The following MAN1C1 variants were observed in gnomAD, a reference collection of about 807,000 sequenced individuals.
MAN1C1 encodes the protein mannosidase alpha class 1C member 1, also known as mannosyl-oligosaccharide 1,2-alpha-mannosidase IC.
MAN1C1 carries 49 observed loss-of-function variants against 71.5 expected under a neutral mutation model. The observed-to-expected ratio is 0.69, with a 90% CI of 0.54 to 0.87. The LOEUF is 0.87. Ranked by LOEUF, MAN1C1 falls within the 40% of genes least tolerant of loss-of-function variation. The probability of loss-of-function intolerance (pLI) is 0.00; values close to 1 mark genes in which losing one functional copy is unlikely to be tolerated. For synonymous variants in MAN1C1, 352 were observed against 343.7 expected (o/e 1.02, Z -0.27); for missense variants, 743 against 835.0 (o/e 0.89, Z 1.36).
chr1:25,627,291 T>C (rs1016010756), intron 1 of MAN1C1, among the ~76,000 whole-genome samples: 12 of 151,630 alleles, frequency 7.9e-5, no homozygotes, highest in African/African-American at 1.2e-4. Context: ...CTTCTCTTCT[T>C]CTCTTCTCTT....
chr1:25,763,741 C>G, intron 6 of MAN1C1, 133 bp from the exon 7 acceptor site: 1 of 720,362 alleles, frequency 1.4e-6, no homozygotes, highest in Non-Finnish European at 2.4e-6. Flanking sequence ...GTCCGTTGGG[C>G]AGCTCTCCCT....
At chr1:25,751,074 C>T (rs1280453223) in intron 4 of MAN1C1, among the ~76,000 whole-genome samples, 1 of 151,130 alleles carries the variant, frequency 6.6e-6, no homozygotes, top group Non-Finnish European at 1.5e-5. Flanking sequence ...ACCCTTCCCT[C>T]CCCCGTTTCC....
chr1:25,673,941 C>T (rs908069470), intron 1 of MAN1C1, among the ~76,000 whole-genome samples: 2 of 152,216 alleles, frequency 1.3e-5, no homozygotes, highest in African/African-American at 4.8e-5. Flanking sequence ...TGAACCATTT[C>T]GCATTGGAAT....
chr1:25,687,044 G>A (rs1237418943), intron 2 of MAN1C1, among the ~76,000 whole-genome samples: 2 of 152,172 alleles, frequency 1.3e-5, no homozygotes, highest in East Asian at 1.9e-4. Flanking sequence ...GGGAGGATGA[G>A]GTGGGAGGAT....
At position 25,690,763 on chromosome 1, in the gene MAN1C1, G is replaced by A. The variant is rs759485074; in HGVS notation, c.637+4227G>A. Reference sequence around the variant, plus strand: ...GGGTCCCGCCTCCAGTCTGTGGTGAGGATTAGAGAGGAGACCTGCAAAGGC... The same window carrying A: ...GGGTCCCGCCTCCAGTCTGTGGTGAAGATTAGAGAGGAGACCTGCAAAGGC... On this transcript the variant is annotated intron_variant, in intron 2 of 11. Transcript: ENST00000374332. 1.8e-4 allele frequency among the ~76,000 whole-genome samples: 27 copies of A among 152,358 alleles called. No individual in the cohort carries two copies. In the South Asian group the frequency reaches 2.3e-3, roughly 13 times the overall value.
chr1:25,743,810 C>T (rs1392928554), intron 2 of MAN1C1, among the ~76,000 whole-genome samples: 3 of 152,192 alleles, frequency 2.0e-5, no homozygotes, highest in African/African-American at 7.2e-5. Flanking sequence ...TCAGACACTG[C>T]GGCTGCCTCT....
intron 2 of MAN1C1, among the ~76,000 whole-genome samples, chr1:25,706,871 C>T (rs2046531086): frequency 6.6e-6 from 1 of 152,146 alleles, no homozygotes. Context: ...GTTCCAGCTG[C>T]CTGTGCCATG....
At position 25,618,007 on chromosome 1, in the gene MAN1C1, C is replaced by T; in HGVS notation, c.210C>T (p.Ala70=). The stretch of plus-strand genomic sequence containing the variant: ...GTCTGGAAGTGGTGGCTGAAATCGC[C>T]GGCCATGCCCCGGCCCGCGAGCAGG... The part of the protein sequence containing the change: ...QPGLEVVAEI[A]GHAPAREQEP... Residue 70 remains alanine (A), a synonymous_variant, in exon 1 of 12, where the codon GCC becomes GCT. Transcript: ENST00000374332. The T allele has an allele frequency of 1.2e-6, 2 of 1,602,846 alleles. No individual in the cohort carries two copies. The highest frequency in any genetic ancestry group is 1.7e-6 in the Non-Finnish European group (2 of 1,176,168).
intron 1 of MAN1C1, among the ~76,000 whole-genome samples, chr1:25,661,503 T>C (rs1260102005): frequency 6.6e-6 from 1 of 152,116 alleles, no homozygotes; most frequent in Non-Finnish European, 1.5e-5. Context: ...TGTCTTGCTC[T>C]CCCCCACCGA....
At chr1:25,692,847 C>A (rs1222947818) in intron 2 of MAN1C1, among the ~76,000 whole-genome samples, 2 of 152,182 alleles carry the variant, frequency 1.3e-5, no homozygotes, top group Non-Finnish European at 2.9e-5. Flanking sequence ...CATCTCTAGG[C>A]ATCATCATTT....
At chr1:25,675,799 T>C (rs1432985271) in intron 1 of MAN1C1, among the ~76,000 whole-genome samples, 1 of 152,240 alleles carries the variant, frequency 6.6e-6, no homozygotes, top group Non-Finnish European at 1.5e-5. Flanking sequence ...TGCTCAACAC[T>C]TTACATCTGT....
intron 3 of MAN1C1, among the ~76,000 whole-genome samples, chr1:25,747,422 A>G (rs2047145453): frequency 6.6e-6 from 1 of 152,198 alleles, no homozygotes; most frequent in Non-Finnish European, 1.5e-5. Context: ...CCCAGACTAA[A>G]GCAAGGCATG....
chr1:25,758,760 G>C lies in MAN1C1; in HGVS notation c.1047+51G>C, dbSNP rs369147991. ...CTGCGGAGCAGAGGGATGAGCGTGC[G>C]GCTGCCACAGGGTTTTCAGAGGCGA... is the stretch of plus-strand genomic sequence containing the variant. On this transcript the variant is annotated intron_variant, in intron 6 of 11. Coordinates refer to ENST00000374332, the MANE Select transcript of MAN1C1 (RefSeq NM_020379.4). The C allele has an allele frequency of 6.3e-5, 96 of 1,514,078 alleles. No individual in the cohort carries two copies. In the African/African-American group the frequency reaches 1.2e-3, roughly 19 times the overall value. 93.8% of individuals were successfully genotyped at this position (1,514,078 alleles called of 1,614,324 possible).
intron 1 of MAN1C1, among the ~76,000 whole-genome samples, chr1:25,622,836 G>A (rs1363015890): frequency 6.6e-6 from 1 of 152,242 alleles, no homozygotes; most frequent in African/African-American, 2.4e-5. Context: ...CCCCATTAAC[G>A]GGCTGGTTCG....
intron 1 of MAN1C1, chr1:25,645,862 G>A (rs2045605536): frequency 6.6e-6 from 1 of 152,190 alleles, no homozygotes. Flanking sequence ...TCCTCAGCTG[G>A]GCTGCATGTC....
intron 2 of MAN1C1, among the ~76,000 whole-genome samples, chr1:25,697,041 T>G (rs977452765): frequency 2.6e-5 from 4 of 152,228 alleles, no homozygotes; most frequent in African/African-American, 9.6e-5. Context: ...TGGCGTGCTT[T>G]TTTCCTTGTT....
In MAN1C1 at chr1:25,757,704, C is replaced by T. The variant is rs571011068; in HGVS notation, c.930-888C>T. Among the ~76,000 whole-genome samples, 76 of 152,328 alleles carry T rather than the reference C, an allele frequency of 5.0e-4. 1 individual carries two copies. The highest frequency in any genetic ancestry group is 4.1e-4 in the South Asian group (2 of 4,832). On this transcript the variant is annotated intron_variant, in intron 5 of 11. Transcript: ENST00000374332. ...TCCAGCTGAGCGACACTTGAACCTG[C>T]ACCTTCTGGCTCCAGATCTCAGGGA...
chr1:25,768,538 C>T (rs2047491500), intron 7 of MAN1C1, among the ~76,000 whole-genome samples: 1 of 112,222 alleles, frequency 8.9e-6, no homozygotes, highest in African/African-American at 3.2e-5. Flanking sequence ...ACACTCCCCT[C>T]ACACACACCA....
intron 1 of MAN1C1, among the ~76,000 whole-genome samples, chr1:25,675,883 G>T (rs866705526): frequency 6.6e-6 from 1 of 152,272 alleles, no homozygotes. Context: ...AGACTTACAG[G>T]GGTTAAGTCA....
Sources: allele counts gnomAD v4.1 joint callset (sites outside exome capture counted in the v4.1 genomes callset), GRCh38; gene constraint gnomAD v4.1.1; transcripts MANE v1.5; gene names NCBI Gene and HGNC (gene_info 2026-07-23, HGNC 2026-07-21).